OXR1: variants seen among roughly 807,000 people sequenced by gnomAD.
OXR1 encodes the protein oxidation resistance protein 1.
Under a neutral mutation model 104.6 loss-of-function variants are expected in OXR1, and 41 were observed. The observed-to-expected ratio is 0.39, with a 90% CI of 0.31 to 0.51. OXR1 has a LOEUF of 0.51. OXR1 is among the 20% of genes least tolerant of loss of function. The pLI is 0.77. For synonymous variants in OXR1, 348 were observed against 348.4 expected (o/e 1.00, Z 0.01); for missense variants, 955 against 1,031.9 (o/e 0.93, Z 1.02).
chr8:106,618,138 G>A (rs1249699796), intron 3 of OXR1: 7 of 1,535,994 alleles, frequency 4.6e-6, no homozygotes, highest in East Asian at 2.4e-5. Context: ...TGCTAGCTGA[G>A]CAAGGTTCGA....
At chr8:106,736,703 G>C (rs1834408332) in intron 11 of OXR1, among the ~76,000 whole-genome samples, 2 of 152,100 alleles carry the variant, frequency 1.3e-5, no homozygotes, top group African/African-American at 2.4e-5. Context: ...GTCATTTATG[G>C]CTTTCAAATT....
chr8:106,522,349 T>C (rs1306086403), intron 3 of OXR1, among the ~76,000 whole-genome samples: 2 of 152,350 alleles, frequency 1.3e-5, no homozygotes, highest in Non-Finnish European at 2.9e-5. Flanking sequence ...AGGTTACTTA[T>C]AATATCTAAT....
chr8:106,365,875 A>G (rs914019404), intron 2 of OXR1, among the ~76,000 whole-genome samples: 9 of 152,244 alleles, frequency 5.9e-5, no homozygotes, highest in African/African-American at 2.2e-4. Flanking sequence ...CTAGACATAA[A>G]TCACATCCTT....
intron 3 of OXR1, among the ~76,000 whole-genome samples, chr8:106,631,123 G>A (rs1822648282): frequency 6.6e-6 from 1 of 152,210 alleles, no homozygotes; most frequent in South Asian, 2.1e-4. Context: ...AACCAGGAGA[G>A]TGGAAGTGCT....
chr8:106,737,678 C>T, intron 12 of OXR1, 78 bp downstream of exon 12: 1 of 504,948 alleles, frequency 2.0e-6, no homozygotes. Context: ...TGGCAAATCT[C>T]ATTTGAAGAA....
chr8:106,615,166 G>A (rs1001027897), intron 3 of OXR1, among the ~76,000 whole-genome samples: 1 of 151,732 alleles, frequency 6.6e-6, no homozygotes, highest in East Asian at 1.9e-4. Flanking sequence ...GCGGTGGCTC[G>A]TGCCTGTAAT....
chr8:106,325,543 T>G (rs571199157), intron 1 of OXR1, among the ~76,000 whole-genome samples: 2 of 152,322 alleles, frequency 1.3e-5, no homozygotes, highest in Admixed American at 1.3e-4. Context: ...AGGGTTGCTG[T>G]GAAGGTTATG....
intron 3 of OXR1, among the ~76,000 whole-genome samples, chr8:106,562,559 C>T (rs370381512): frequency 3.0e-4 from 45 of 152,208 alleles, no homozygotes; most frequent in African/African-American, 1.1e-3. Flanking sequence ...AGGATATTAT[C>T]CAGGAGAACT....
intron 3 of OXR1, among the ~76,000 whole-genome samples, chr8:106,665,763 C>T (rs1330654612): frequency 6.6e-6 from 1 of 151,848 alleles, no homozygotes; most frequent in African/African-American, 2.4e-5. Flanking sequence ...GATACTAGTA[C>T]AAAAAGGAAT....
chr8:106,713,158 A>G (rs1290803783), intron 10 of OXR1, among the ~76,000 whole-genome samples: 1 of 151,984 alleles, frequency 6.6e-6, no homozygotes, highest in East Asian at 1.9e-4. Flanking sequence ...ATGGTTATTA[A>G]CTGGTATATG....
intron 6 of OXR1, among the ~76,000 whole-genome samples, chr8:106,686,403 A>G (rs1176211945): frequency 6.6e-6 from 1 of 151,966 alleles, no homozygotes; most frequent in Non-Finnish European, 1.5e-5. Context: ...AATTCTTACA[A>G]CAGTTGATTG....
At chr8:106,561,915 G>C (rs548770722) in intron 3 of OXR1, among the ~76,000 whole-genome samples, 3 of 152,176 alleles carry the variant, frequency 2.0e-5, no homozygotes, top group African/African-American at 7.2e-5. Flanking sequence ...CAAACAAAAA[G>C]GAATAGCATC....
At chr8:106,414,904 A>G (rs1043131374) in intron 2 of OXR1, among the ~76,000 whole-genome samples, 2 of 152,158 alleles carry the variant, frequency 1.3e-5, no homozygotes, top group Admixed American at 1.3e-4. Flanking sequence ...ATTATAGCTG[A>G]CAGCAGTCTT....
At position 106,645,798 on chromosome 8, in the gene OXR1, C is replaced by T. The variant is rs141311925; in HGVS notation, c.221-33412C>T. On this transcript the variant is annotated intron_variant, in intron 3 of 16. Transcript: ENST00000517566. ...TTCTATTCCTTTCAAACATTATGTACAGCACTTAGGAGTTTGCTGTTCATG... is the reference window on the plus strand; with the variant it reads ...TTCTATTCCTTTCAAACATTATGTATAGCACTTAGGAGTTTGCTGTTCATG... Among the ~76,000 whole-genome samples the T allele has an allele frequency of 1.6e-3, 239 of 152,264 alleles. 2 individuals are homozygous for T. Among genetic ancestry groups the T allele is most frequent in the African/African-American group, 5.5e-3 (228 of 41,540 alleles).
intron 2 of OXR1, among the ~76,000 whole-genome samples, chr8:106,388,705 A>T (rs1817477334): frequency 6.6e-6 from 1 of 152,230 alleles, no homozygotes; most frequent in Non-Finnish European, 1.5e-5. Context: ...TACAGGCGTG[A>T]GCCACCTTGC....
intron 2 of OXR1, among the ~76,000 whole-genome samples, chr8:106,413,135 G>T: frequency 8.2e-6 from 1 of 122,000 alleles, no homozygotes; most frequent in Admixed American, 7.8e-5. Flanking sequence ...CTTTACTTTT[G>T]TAGAAAAAAA....
intron 2 of OXR1, among the ~76,000 whole-genome samples, chr8:106,382,470 A>G (rs529146254): frequency 6.6e-6 from 1 of 152,230 alleles, no homozygotes; most frequent in South Asian, 2.1e-4. Flanking sequence ...CTTCACATAT[A>G]ACTAACATTG....
chr8:106,456,477 A>G (rs1441636658), intron 2 of OXR1, among the ~76,000 whole-genome samples: 1 of 152,242 alleles, frequency 6.6e-6, no homozygotes, highest in Non-Finnish European at 1.5e-5. Flanking sequence ...GGATTTTGAT[A>G]CATCTAGCAC....
intron 1 of OXR1, among the ~76,000 whole-genome samples, chr8:106,354,426 A>C (rs1178515762): frequency 6.6e-6 from 1 of 152,092 alleles, no homozygotes. Context: ...CCCTGAGTGG[A>C]ATTCAAATAT....
Sources: allele counts gnomAD v4.1 joint callset (sites outside exome capture counted in the v4.1 genomes callset), GRCh38; gene constraint gnomAD v4.1.1; transcripts MANE v1.5; gene names NCBI Gene and HGNC (gene_info 2026-07-23, HGNC 2026-07-21).